Variants in SIDT1 observed in about 807,000 individuals in gnomAD.
SIDT1 encodes SID1 transmembrane family member 1.
A neutral mutation model predicts 107.5 loss-of-function variants in SIDT1; 101 were observed. The ratio of observed to expected loss-of-function variants is 0.94; its 90% CI spans 0.80 to 1.11. SIDT1 has a LOEUF of 1.11. Among genes scored for constraint, SIDT1 ranks in the 50% least tolerant of loss-of-function variants. The pLI, the probability that SIDT1 is intolerant of heterozygous loss-of-function variation, is 0.00. For synonymous variants in SIDT1, 395 were observed against 398.2 expected, an observed-to-expected ratio of 0.99 and a Z score of 0.10; for missense variants, 1,076 against 1,058.2, an observed-to-expected ratio of 1.02 and a Z score of -0.23.
At position 113,535,148 on chromosome 3, in the gene SIDT1, C is replaced by A. The variant is rs191173239; in HGVS notation, c.222+1905C>A. ...TTAGCTGGGTGTGATGGCACATGCG[C>A]CTGTAGTCCCAGCTACTTAGGAGGC... On this transcript the variant is annotated intron_variant, in intron 1 of 24. Coordinates refer to ENST00000264852, the MANE Select transcript of SIDT1 (RefSeq NM_017699.3). Among the ~76,000 whole-genome samples the A allele has an allele frequency of 4.1e-3, 632 of 152,302 alleles. 2 individuals are homozygous for A. Among genetic ancestry groups the A allele is most frequent in the Non-Finnish European group, 7.1e-3 (482 of 68,028 alleles).
intron 3 of SIDT1, among the ~76,000 whole-genome samples, chr3:113,569,252 T>C (rs1166040672): frequency 1.3e-5 from 2 of 151,792 alleles, no homozygotes; most frequent in Non-Finnish European, 2.9e-5. Context: ...GAAGTCAGAA[T>C]AGTGGTACCT....
intron 19 of SIDT1, chr3:113,615,186 A>G (rs1365322649): frequency 3.3e-6 from 4 of 1,205,636 alleles, no homozygotes; most frequent in Non-Finnish European, 4.7e-6. Context: ...CAGGCCGGGC[A>G]GACTCCGTGG....
intron 7 of SIDT1, among the ~76,000 whole-genome samples, chr3:113,583,924 G>A (rs1257810938): frequency 6.6e-6 from 1 of 152,150 alleles, no homozygotes; most frequent in African/African-American, 2.4e-5. Flanking sequence ...GAAAAATTCA[G>A]CATTCTGCAT....
intron 1 of SIDT1, among the ~76,000 whole-genome samples, chr3:113,564,680 A>G (rs562386035): frequency 6.6e-6 from 1 of 152,240 alleles, no homozygotes; most frequent in Non-Finnish European, 1.5e-5. Context: ...GGGCCATTCA[A>G]CATTCAAGGG....
At chr3:113,602,969 CG>C (rs915269134) in intron 11 of SIDT1, 35 bp from the exon 12 acceptor site, 3 of 1,608,164 alleles carry the variant, frequency 1.9e-6, no homozygotes, top group Non-Finnish European at 2.6e-6. Context: ...AGGCTCTCCA[CG>C]GCTTTTGATG....
At position 113,591,365 on chromosome 3, in the gene SIDT1, A is replaced by G. The variant is rs1380705887; in HGVS notation, c.1002-1640A>G. Among the ~76,000 whole-genome samples the G allele has an allele frequency of 2.0e-5, 3 of 152,210 alleles. No homozygotes were observed. In the East Asian group the frequency reaches 5.8e-4, roughly 29 times the overall value. ...CTAATATACATGACAATAGTTCCCAAATTAATCTACAAATTCAACACAATC... is the reference window on the plus strand; with the variant it reads ...CTAATATACATGACAATAGTTCCCAGATTAATCTACAAATTCAACACAATC... On this transcript the variant is annotated intron_variant, in intron 9 of 24. Coordinates refer to ENST00000264852, the MANE Select transcript of SIDT1 (RefSeq NM_017699.3).
chr3:113,575,912 A>G (rs532219109), intron 3 of SIDT1, among the ~76,000 whole-genome samples: 1 of 152,328 alleles, frequency 6.6e-6, no homozygotes, highest in Admixed American at 6.5e-5. Context: ...TGCAGGGCAC[A>G]TTGGAGGGGC....
At chr3:113,601,975 C>G in intron 11 of SIDT1, 1 of 231,846 alleles carries the variant, frequency 4.3e-6, no homozygotes, top group South Asian at 9.7e-5. Flanking sequence ...AAAGATGTGT[C>G]CCAGGGAGCC....
chr3:113,626,503 G>T (rs1421246174), intron 24 of SIDT1, among the ~76,000 whole-genome samples: 1 of 152,114 alleles, frequency 6.6e-6, no homozygotes, highest in Non-Finnish European at 1.5e-5. Context: ...AGACCCACAT[G>T]CCCAGAATTC....
At chr3:113,545,178 A>G (rs1939451241) in intron 1 of SIDT1, among the ~76,000 whole-genome samples, 1 of 151,472 alleles carries the variant, frequency 6.6e-6, no homozygotes, top group Non-Finnish European at 1.5e-5. Flanking sequence ...TACTACGTAA[A>G]TATCCTGTGC....
At chr3:113,630,920 C>T (rs946243220), downstream of SIDT1, among the ~76,000 whole-genome samples, 3 of 152,174 alleles carry the variant, frequency 2.0e-5, no homozygotes. Flanking sequence ...CCAACTGTTT[C>T]GTTTCCTGTC....
intron 1 of SIDT1, among the ~76,000 whole-genome samples, chr3:113,557,916 T>C (rs1040986934): frequency 6.6e-6 from 1 of 152,168 alleles, no homozygotes; most frequent in Admixed American, 6.5e-5. Flanking sequence ...GCTATGTGAA[T>C]GAGGTCAAAG....
At chr3:113,576,603 C>T (rs570820121) in intron 3 of SIDT1, among the ~76,000 whole-genome samples, 100 of 152,254 alleles carry the variant, frequency 6.6e-4, no homozygotes, top group South Asian at 1.9e-3. Context: ...ATTGTAAAAT[C>T]AAGCACAAGA....
chr3:113,543,380 T>C (rs997407395), intron 1 of SIDT1, among the ~76,000 whole-genome samples: 18 of 152,170 alleles, frequency 1.2e-4, no homozygotes, highest in Non-Finnish European at 5.9e-5. Context: ...AGATTGGCCC[T>C]GCAGTCTTCT....
At chr3:113,551,276 A>G (rs986326997) in intron 1 of SIDT1, among the ~76,000 whole-genome samples, 1 of 152,206 alleles carries the variant, frequency 6.6e-6, no homozygotes, top group Non-Finnish European at 1.5e-5. Context: ...TTGGGCATAT[A>G]CCCAGTAATG....
Position 113,533,011 on chromosome 3 carries a change from C to T in SIDT1, c.-11C>T, listed in dbSNP as rs1937631940. On this transcript the variant is annotated 5_prime_UTR_variant, in exon 1 of 25. Transcript: ENST00000264852. ...GTGGCTCCGCTTTCGAGCCCGGGCG[C>T]GGTGCCCACCATGCGCGGCTGCCTG... The T allele has an allele frequency of 3.7e-6, 5 of 1,349,294 alleles. No homozygotes were observed. In the Admixed American group the frequency reaches 1.6e-4, roughly 43 times the overall value. 83.6% of individuals were successfully genotyped at this position (1,349,294 alleles called of 1,614,324 possible). A position where few individuals can be genotyped will look rare whatever the true frequency, so the allele number is the denominator to read the frequency against.
chr3:113,540,886 T>C (rs989630048), intron 1 of SIDT1, among the ~76,000 whole-genome samples: 2 of 152,130 alleles, frequency 1.3e-5, no homozygotes, highest in African/African-American at 4.8e-5. Context: ...ATAAGCAATA[T>C]TGAAATTAGC....
rs1448915108 is a variant in SIDT1, at chr3:113,623,510, TGGCCTTTTACATCATCATGAA to T, written c.2177_2196+1del. On this transcript the variant is annotated inframe_deletion and splice_region_variant, in exon 22 of 25. Transcript: ENST00000264852. The stretch of plus-strand genomic sequence containing the variant: ...TTCATCTGTAACCTTTTGCTGTACC[TGGCCTTTTACATCATCATGAA>T]GGTAAGAGCGGGTGCCGGGAGCGGC... The T allele has an allele frequency of 4.3e-6, 7 of 1,613,808 alleles. No individual in the cohort carries two copies. The highest frequency in any genetic ancestry group is 5.9e-6 in the Non-Finnish European group (7 of 1,179,706).
Position 113,532,703 on chromosome 3 carries a change from G to A in SIDT1, c.-319G>A, listed in dbSNP as rs375687917. On this transcript the variant is annotated 5_prime_UTR_variant, in exon 1 of 25. Transcript: ENST00000264852. Reference sequence around the variant, plus strand: ...GAAGAGATCGGTCTAAATTCTGGCTGGGTAAGTGGGGGGATTCTCGGCGAT... The same window carrying A: ...GAAGAGATCGGTCTAAATTCTGGCTAGGTAAGTGGGGGGATTCTCGGCGAT... The A allele has an allele frequency of 1.7e-4, 52 of 307,488 alleles. No homozygotes were observed. In the Middle Eastern group the frequency reaches 3.5e-3, roughly 21 times the overall value. The allele number at this position is 307,488 out of a possible 1,614,324, so 19.0% of individuals were successfully genotyped here. A position where few individuals can be genotyped will look rare whatever the true frequency, so the allele number is the denominator to read the frequency against.
Sources: allele counts gnomAD v4.1 joint callset (sites outside exome capture counted in the v4.1 genomes callset), GRCh38; gene constraint gnomAD v4.1.1; transcripts MANE v1.5; gene names NCBI Gene and HGNC (gene_info 2026-07-23, HGNC 2026-07-21).